Variants in SLC37A3 observed in about 807,000 individuals in gnomAD.
SLC37A3 encodes the protein solute carrier family 37 member 3.
A neutral mutation model predicts 67.1 loss-of-function variants in SLC37A3; 51 were observed. The observed-to-expected ratio is 0.76, with a 90% CI of 0.61 to 0.96. The LOEUF is 0.96. Ranked by LOEUF, SLC37A3 falls within the 40% of genes least tolerant of loss-of-function variation. The probability of loss-of-function intolerance (pLI) is 0.00; values close to 1 mark genes in which losing one functional copy is unlikely to be tolerated. For synonymous variants in SLC37A3, 214 were observed against 231.4 expected, an observed-to-expected ratio of 0.92 and a Z score of 0.68; for missense variants, 508 against 603.0, an observed-to-expected ratio of 0.84 and a Z score of 1.65.
intron 7 of SLC37A3, among the ~76,000 whole-genome samples, chr7:140,355,194 GT>G (rs1412089610): frequency 7.1e-5 from 10 of 141,398 alleles, no homozygotes; most frequent in Admixed American, 6.6e-4. Flanking sequence ...TATATCAGAA[GT>G]TTGTCTACTT....
intron 1 of SLC37A3, among the ~76,000 whole-genome samples, chr7:140,391,953 C>G (rs932039343): frequency 1.3e-4 from 20 of 152,296 alleles, no homozygotes; most frequent in Non-Finnish European, 1.5e-5. Flanking sequence ...TGCAAACATA[C>G]TCTCAGACCT....
At chr7:140,380,126 G>C (rs1010561278) in intron 3 of SLC37A3, 156 bp downstream of exon 3, 1 of 446,894 alleles carries the variant, frequency 2.2e-6, no homozygotes. Flanking sequence ...GTCAGAGCAG[G>C]CTTTGAAATT....
intron 1 of SLC37A3, among the ~76,000 whole-genome samples, 164 bp downstream of exon 1, chr7:140,398,252 G>C (rs148947108): frequency 0.029 from 4,468 of 152,232 alleles, 106 homozygotes; most frequent in Non-Finnish European, 0.043. Context: ...CCCGGGCCCA[G>C]GGAGGAGAAG....
intron 5 of SLC37A3, among the ~76,000 whole-genome samples, chr7:140,361,397 G>A (rs1446846380): frequency 1.5e-4 from 23 of 151,808 alleles, no homozygotes; most frequent in African/African-American, 5.6e-4. Flanking sequence ...CATGAGAATC[G>A]CTTGAACCTG....
chr7:140,335,422 A>C lies in SLC37A3; in HGVS notation c.1475T>G (p.Leu492Trp). Residue 492 changes from leucine (L) to tryptophan (W), a missense_variant, in exon 15 of 15, where the codon TTG becomes TGG. Transcript: ENST00000326232. ...SLVLRRQAHILRE is the reference protein window; with the variant it reads ...SLVLRRQAHIWRE ...TCTCGCGGGCACCGGTCACTCCCTC[A>C]ATATGTGAGCCTGTCTCCTTAGCAC... 6.2e-7 allele frequency: 1 copy of C among 1,614,164 alleles called. No homozygotes were observed. Among genetic ancestry groups the C allele is most frequent in the Non-Finnish European group, 8.5e-7 (1 of 1,180,034 alleles).
chr7:140,393,118 T>G (rs570267986), intron 1 of SLC37A3, among the ~76,000 whole-genome samples: 1 of 152,000 alleles, frequency 6.6e-6, no homozygotes, highest in Non-Finnish European at 1.5e-5. Flanking sequence ...GGATACAACT[T>G]CCTCCTGTGT....
At chr7:140,353,055 G>A (rs1030793043) in intron 7 of SLC37A3, among the ~76,000 whole-genome samples, 1 of 152,108 alleles carries the variant, frequency 6.6e-6, no homozygotes, top group African/African-American at 2.4e-5. Context: ...ACTTCTCACT[G>A]ACCCTAACTA....
At chr7:140,349,542 G>A (rs56080999) in intron 9 of SLC37A3, among the ~76,000 whole-genome samples, 13 of 150,704 alleles carry the variant, frequency 8.6e-5, no homozygotes, top group Non-Finnish European at 1.5e-4. Flanking sequence ...GGAAAAAGGG[G>A]GGGGGGACAG....
intron 3 of SLC37A3, among the ~76,000 whole-genome samples, chr7:140,370,180 G>A (rs1797768445): frequency 6.7e-6 from 1 of 148,220 alleles, no homozygotes. Context: ...ATTTTTAATT[G>A]ACACATAGTA....
At chr7:140,386,078 T>G (rs1278231134) in intron 1 of SLC37A3, among the ~76,000 whole-genome samples, 1 of 151,482 alleles carries the variant, frequency 6.6e-6, no homozygotes, top group East Asian at 1.9e-4. Context: ...CCACCATGCC[T>G]GGCCTTATTT....
Position 140,355,772 on chromosome 7 carries a change from G to C in SLC37A3, c.522-8C>G. Reference sequence around the variant, plus strand: ...CCAAAAACAACTCCTCGTCTAAGATGGAAAACAGTGGGAGACAAAGGGCCA... The same window carrying C: ...CCAAAAACAACTCCTCGTCTAAGATCGAAAACAGTGGGAGACAAAGGGCCA... On this transcript the variant is annotated splice_region_variant and splice_polypyrimidine_tract_variant and intron_variant, in intron 6 of 14. Transcript: ENST00000326232. The C allele has an allele frequency of 6.2e-7, 1 of 1,611,890 alleles. No homozygotes were observed.
chr7:140,378,027 T>A (rs1407787312), intron 3 of SLC37A3, among the ~76,000 whole-genome samples: 1 of 152,106 alleles, frequency 6.6e-6, no homozygotes, highest in Non-Finnish European at 1.5e-5. Flanking sequence ...CTATGTTGAG[T>A]CCTCCTAGTT....
At chr7:140,382,695 T>A (rs1386936037) in intron 1 of SLC37A3, 99 bp from the exon 2 acceptor site, 1 of 535,332 alleles carries the variant, frequency 1.9e-6, no homozygotes, top group Non-Finnish European at 3.2e-6. Context: ...TCAGGCCTTG[T>A]GGGAAAAAAA....
rs756445175 is a variant in SLC37A3 at position 140,345,984 on chromosome 7, G to A, written c.1025-14C>T. The A allele has an allele frequency of 3.1e-6, 5 of 1,596,634 alleles. No individual in the cohort carries two copies. In the African/African-American group the frequency reaches 4.0e-5, roughly 13 times the overall value. ...GCAAAGTTCCACCTTCAAGCAGAGT[G>A]TCGAGCAATCAAAATCACTTCTAAT... On this transcript the variant is annotated splice_polypyrimidine_tract_variant and intron_variant, in intron 10 of 14. Coordinates refer to ENST00000326232, the MANE Select transcript of SLC37A3 (RefSeq NM_207113.3).
At chr7:140,361,586 C>T (rs1430782011) in intron 5 of SLC37A3, among the ~76,000 whole-genome samples, 3 of 143,258 alleles carry the variant, frequency 2.1e-5, no homozygotes, top group Non-Finnish European at 4.6e-5. Context: ...CCACGGTCTC[C>T]CTCTGATGCC....
chr7:140,349,156 C>T (rs948048443), intron 9 of SLC37A3, among the ~76,000 whole-genome samples: 3 of 152,210 alleles, frequency 2.0e-5, no homozygotes, highest in African/African-American at 7.2e-5. Context: ...CCAGCGTTAA[C>T]CATAGGCAAA....
chr7:140,394,589 T>A (rs1451934055), intron 1 of SLC37A3, among the ~76,000 whole-genome samples: 3 of 140,394 alleles, frequency 2.1e-5, no homozygotes, highest in African/African-American at 7.9e-5. Context: ...ACCACTGCAC[T>A]CCAGCCTGGG....
At chr7:140,336,400 T>G (rs986840074) in intron 14 of SLC37A3, among the ~76,000 whole-genome samples, 3 of 152,170 alleles carry the variant, frequency 2.0e-5, no homozygotes, top group African/African-American at 7.2e-5. Flanking sequence ...CACTCCAGCC[T>G]GGGTGACAGA....
At chr7:140,377,336 A>C (rs1798074448) in intron 3 of SLC37A3, among the ~76,000 whole-genome samples, 1 of 151,892 alleles carries the variant, frequency 6.6e-6, no homozygotes, top group Non-Finnish European at 1.5e-5. Flanking sequence ...AAGTGGTGGG[A>C]TTACAGGCCT....
Sources: allele counts gnomAD v4.1 joint callset (sites outside exome capture counted in the v4.1 genomes callset), GRCh38; gene constraint gnomAD v4.1.1; transcripts MANE v1.5; gene names NCBI Gene and HGNC (gene_info 2026-07-23, HGNC 2026-07-21).